GXYLT2: variants seen among roughly 807,000 people sequenced by gnomAD.
GXYLT2 encodes glycosyltransferase 8 domain containing 4.
A neutral mutation model predicts 45.8 loss-of-function variants in GXYLT2; 53 were observed. That is an observed-to-expected ratio of 1.16 (90% CI 0.93 to 1.46). The LOEUF (loss-of-function observed/expected upper bound fraction) is 1.46. Ranked by LOEUF, GXYLT2 falls within the 40% of genes most tolerant of loss-of-function variation. The probability of loss-of-function intolerance (pLI) is 0.00; values close to 1 mark genes in which losing one functional copy is unlikely to be tolerated. For synonymous variants in GXYLT2, 219 were observed against 214.2 expected, an observed-to-expected ratio of 1.02 and a Z score of -0.19; for missense variants, 551 against 544.4, an observed-to-expected ratio of 1.01 and a Z score of -0.12.
At chr3:72,943,913 G>T (rs1050896451) in intron 3 of GXYLT2, among the ~76,000 whole-genome samples, 1 of 151,220 alleles carries the variant, frequency 6.6e-6, no homozygotes, top group Non-Finnish European at 1.5e-5. Context: ...CAAACTCCTG[G>T]GCTCAAGCTG....
At chr3:72,951,836 G>A (rs1395502896) in intron 3 of GXYLT2, among the ~76,000 whole-genome samples, 1 of 151,210 alleles carries the variant, frequency 6.6e-6, no homozygotes, top group Non-Finnish European at 1.5e-5. Context: ...TTGTTTTTTT[G>A]TTTTGTTTTA....
chr3:72,942,467 AT>A (rs1710319669), intron 3 of GXYLT2, among the ~76,000 whole-genome samples: 1 of 152,196 alleles, frequency 6.6e-6, no homozygotes, highest in Non-Finnish European at 1.5e-5. Context: ...AACCAGAAAC[AT>A]GATATTTGTA....
chr3:72,945,435 C>T (rs1422200279), intron 3 of GXYLT2, among the ~76,000 whole-genome samples: 2 of 152,198 alleles, frequency 1.3e-5, no homozygotes, highest in African/African-American at 4.8e-5. Flanking sequence ...TAGATGTTAC[C>T]TAGATACAGA....
At chr3:72,937,167 G>A (rs955384607) in intron 3 of GXYLT2, among the ~76,000 whole-genome samples, 1 of 152,082 alleles carries the variant, frequency 6.6e-6, no homozygotes, top group Non-Finnish European at 1.5e-5. Flanking sequence ...TAACCCACCA[G>A]TGACTCTTGG....
At chr3:72,909,275 G>A (rs969245122) in intron 2 of GXYLT2, among the ~76,000 whole-genome samples, 2 of 151,362 alleles carry the variant, frequency 1.3e-5, no homozygotes, top group African/African-American at 4.9e-5. Flanking sequence ...TCACCATGTT[G>A]CCTAGGCTGG....
At chr3:72,962,401 A>T (rs963086875) in intron 5 of GXYLT2, among the ~76,000 whole-genome samples, 2 of 152,278 alleles carry the variant, frequency 1.3e-5, no homozygotes, top group East Asian at 3.9e-4. Context: ...GGTGTTCAGA[A>T]GTGTTGTTTG....
intron 3 of GXYLT2, among the ~76,000 whole-genome samples, chr3:72,931,216 AT>A (rs202045135): frequency 6.6e-6 from 1 of 151,482 alleles, no homozygotes; most frequent in Non-Finnish European, 1.5e-5. Flanking sequence ...ATACTTCTTT[AT>A]TTTTTTATTT....
At chr3:72,919,398 G>A (rs941359885) in intron 2 of GXYLT2, among the ~76,000 whole-genome samples, 12 of 152,200 alleles carry the variant, frequency 7.9e-5, no homozygotes, top group Admixed American at 3.3e-4. Flanking sequence ...GAAAAGGCAA[G>A]GTACTATATG....
intron 6 of GXYLT2, among the ~76,000 whole-genome samples, chr3:72,972,241 G>A (rs1300011541): frequency 7.2e-5 from 11 of 152,070 alleles, no homozygotes; most frequent in Admixed American, 7.2e-4. Context: ...AGACATTTTT[G>A]CAGTAATTCT....
chr3:72,954,474 C>T (rs1710593476), intron 3 of GXYLT2, among the ~76,000 whole-genome samples: 2 of 146,908 alleles, frequency 1.4e-5, no homozygotes, highest in African/African-American at 5.1e-5. Flanking sequence ...TTAAAAGATG[C>T]AGGGCCCCCC....
intron 3 of GXYLT2, among the ~76,000 whole-genome samples, chr3:72,928,357 C>G (rs530327231): frequency 3.9e-5 from 6 of 152,182 alleles, no homozygotes; most frequent in Non-Finnish European, 7.3e-5. Flanking sequence ...ACCACAGCCT[C>G]CCTCCTTCCC....
At chr3:72,945,468 T>G (rs184372489) in intron 3 of GXYLT2, among the ~76,000 whole-genome samples, 1 of 152,286 alleles carries the variant, frequency 6.6e-6, no homozygotes, top group African/African-American at 2.4e-5. Flanking sequence ...TCAAGGGGTT[T>G]CTATTCTAGT....
intron 2 of GXYLT2, among the ~76,000 whole-genome samples, chr3:72,910,863 A>G (rs750407716): frequency 6.6e-6 from 1 of 152,156 alleles, no homozygotes; most frequent in African/African-American, 2.4e-5. Context: ...GAACAAAGGG[A>G]AGCTGGCTAT....
chr3:72,922,037 T>A (rs568440279), intron 2 of GXYLT2, among the ~76,000 whole-genome samples, 167 bp from the exon 3 acceptor site: 1 of 152,364 alleles, frequency 6.6e-6, no homozygotes, highest in South Asian at 2.1e-4. Context: ...GCAATTTTAG[T>A]AGGAGCAAAT....
chr3:72,944,261 T>G (rs913120804), intron 3 of GXYLT2, among the ~76,000 whole-genome samples: 3 of 51,246 alleles, frequency 5.9e-5, no homozygotes, highest in Non-Finnish European at 1.2e-4. Context: ...CTCTTTTTTT[T>G]TCTTTTTTTT....
intron 2 of GXYLT2, among the ~76,000 whole-genome samples, chr3:72,920,406 A>AT (rs112005676): frequency 7.7e-4 from 118 of 152,262 alleles, no homozygotes; most frequent in Middle Eastern, 3.4e-3. Flanking sequence ...AAGTCATGAG[A>AT]TTACAGGCGT....
chr3:72,960,643 A>G (rs894264141), intron 5 of GXYLT2, among the ~76,000 whole-genome samples: 1 of 152,216 alleles, frequency 6.6e-6, no homozygotes, highest in Non-Finnish European at 1.5e-5. Context: ...TCCTTCGTAC[A>G]GCCTGCATTT....
chr3:72,940,456 A>G (rs1379186447), intron 3 of GXYLT2, among the ~76,000 whole-genome samples: 1 of 152,202 alleles, frequency 6.6e-6, no homozygotes, highest in African/African-American at 2.4e-5. Context: ...TCCTGGCCAT[A>G]TGAAGACCCC....
At chr3:72,950,448 G>A (rs1353121355) in intron 3 of GXYLT2, among the ~76,000 whole-genome samples, 4 of 151,994 alleles carry the variant, frequency 2.6e-5, no homozygotes, top group Admixed American at 2.0e-4. Context: ...GCGACAGTGC[G>A]AGACTTCATC....
Sources: allele counts gnomAD v4.1 joint callset (sites outside exome capture counted in the v4.1 genomes callset), GRCh38; gene constraint gnomAD v4.1.1; transcripts MANE v1.5; gene names NCBI Gene and HGNC (gene_info 2026-07-23, HGNC 2026-07-21).